The following GABRB1 variants were observed in gnomAD, a reference collection of about 807,000 sequenced individuals.
The protein encoded by GABRB1 is gamma-aminobutyric acid receptor subunit beta-1.
Under a neutral mutation model 51.6 loss-of-function variants are expected in GABRB1, and 17 were observed. That is an observed-to-expected ratio of 0.33 (90% CI 0.23 to 0.49). The LOEUF is 0.49. GABRB1 is among the 20% of genes least tolerant of loss of function. The pLI is 0.99. For missense variants in GABRB1, 410 were observed against 600.6 expected, an observed-to-expected ratio of 0.68 and a Z score of 3.32; for synonymous variants, 247 against 218.9, an observed-to-expected ratio of 1.13 and a Z score of -1.14.
intron 3 of GABRB1, among the ~76,000 whole-genome samples, chr4:47,080,658 C>T (rs1028665446): frequency 6.6e-6 from 1 of 152,120 alleles, no homozygotes; most frequent in East Asian, 1.9e-4. Flanking sequence ...CTCAAGGGAT[C>T]CTCATGCTTT....
chr4:47,408,640 A>T (rs558285426), intron 8 of GABRB1, among the ~76,000 whole-genome samples: 10 of 152,352 alleles, frequency 6.6e-5, no homozygotes, highest in African/African-American at 2.4e-4. Flanking sequence ...TTATACTCAT[A>T]TGAGGTGATT....
intron 3 of GABRB1, among the ~76,000 whole-genome samples, chr4:47,102,087 C>T (rs570254172): frequency 1.3e-5 from 2 of 152,122 alleles, no homozygotes; most frequent in South Asian, 2.1e-4. Flanking sequence ...AAGAGTCAAA[C>T]ACTTGGCAAG....
intron 3 of GABRB1, among the ~76,000 whole-genome samples, chr4:47,149,911 T>C (rs543787608): frequency 1.3e-5 from 2 of 151,972 alleles, no homozygotes; most frequent in Non-Finnish European, 2.9e-5. Flanking sequence ...CAACAGAAGT[T>C]AGAACAGATG....
intron 3 of GABRB1, among the ~76,000 whole-genome samples, chr4:47,132,509 T>C (rs1248200082): frequency 6.6e-6 from 1 of 152,196 alleles, no homozygotes; most frequent in African/African-American, 2.4e-5. Flanking sequence ...GTTTTTCCTT[T>C]TGTTTTTAGT....
At chr4:47,304,477 G>A (rs565939113) in intron 4 of GABRB1, among the ~76,000 whole-genome samples, 1 of 151,938 alleles carries the variant, frequency 6.6e-6, no homozygotes, top group South Asian at 2.1e-4. Context: ...TTTTAATTGG[G>A]TTACTTGTTT....
Position 47,148,531 on chromosome 4 carries a change from A to G in GABRB1, c.241-12718A>G, listed in dbSNP as rs148549995. Among the ~76,000 whole-genome samples, 311 of 152,200 alleles carry G rather than the reference A, an allele frequency of 2.0e-3. 1 individual carries two copies. The highest frequency in any genetic ancestry group is 7.1e-3 in the African/African-American group (294 of 41,562). On this transcript the variant is annotated intron_variant, in intron 3 of 8. Coordinates refer to ENST00000295454, the MANE Select transcript of GABRB1 (RefSeq NM_000812.4). Reference sequence around the variant, plus strand: ...TTCTAGCAAGGGAAATATAGTTGCTACTATAACTAATGATTAATGAGGTTT... The same window carrying G: ...TTCTAGCAAGGGAAATATAGTTGCTGCTATAACTAATGATTAATGAGGTTT...
At chr4:47,077,208 C>T (rs553333426) in intron 3 of GABRB1, among the ~76,000 whole-genome samples, 33 of 152,244 alleles carry the variant, frequency 2.2e-4, no homozygotes, top group African/African-American at 7.7e-4. Context: ...TATATGTTAC[C>T]ATGGGTATTA....
chr4:47,029,795 A>G (rs548265624), upstream of GABRB1, among the ~76,000 whole-genome samples: 9 of 152,154 alleles, frequency 5.9e-5, no homozygotes, highest in East Asian at 1.7e-3. Context: ...TGAGTAGCTC[A>G]TCTTTTCCTA....
chr4:47,170,188 CAATTTT>C (rs1266420712), intron 4 of GABRB1, among the ~76,000 whole-genome samples: 2 of 152,160 alleles, frequency 1.3e-5, no homozygotes, highest in East Asian at 3.9e-4. Context: ...TATTTCGAAT[CAATTTT>C]TTTATATTCT....
At chr4:47,360,942 C>T (rs1260052709) in intron 5 of GABRB1, among the ~76,000 whole-genome samples, 1 of 151,994 alleles carries the variant, frequency 6.6e-6, no homozygotes, top group Non-Finnish European at 1.5e-5. Flanking sequence ...ATTTATTTAC[C>T]TCTCACAACA....
chr4:47,263,214 A>ATAAG (rs1722518420), intron 4 of GABRB1, among the ~76,000 whole-genome samples: 1 of 151,726 alleles, frequency 6.6e-6, no homozygotes, highest in African/African-American at 2.4e-5. Flanking sequence ...AAATAAATAA[A>ATAAG]TAAATAAATA....
At chr4:47,354,611 CTG>C (rs1705680151) in intron 5 of GABRB1, among the ~76,000 whole-genome samples, 1 of 152,048 alleles carries the variant, frequency 6.6e-6, no homozygotes, top group African/African-American at 2.4e-5. Flanking sequence ...ATTGCAGTCT[CTG>C]TGTCCTGAAT....
intron 3 of GABRB1, among the ~76,000 whole-genome samples, chr4:47,094,048 G>A (rs1714270030): frequency 6.6e-6 from 1 of 151,016 alleles, no homozygotes; most frequent in Non-Finnish European, 1.5e-5. Flanking sequence ...GCAAGAGGAT[G>A]GCAAGGAGGG....
intron 3 of GABRB1, among the ~76,000 whole-genome samples, chr4:47,068,457 CTT>C (rs1316464267): frequency 6.6e-6 from 1 of 152,162 alleles, no homozygotes; most frequent in Non-Finnish European, 1.5e-5. Context: ...TCATTTCTAA[CTT>C]TTGATTGAAA....
At chr4:47,197,065 G>A (rs1314143689) in intron 4 of GABRB1, among the ~76,000 whole-genome samples, 1 of 152,190 alleles carries the variant, frequency 6.6e-6, no homozygotes. Context: ...TTAGAGCCAG[G>A]CCCATGGCCT....
chr4:47,393,258 T>G (rs1728068715), intron 5 of GABRB1, among the ~76,000 whole-genome samples: 1 of 152,250 alleles, frequency 6.6e-6, no homozygotes, highest in Non-Finnish European at 1.5e-5. Flanking sequence ...GCCTGGAATC[T>G]ACTACTTCAG....
chr4:47,324,108 A>T (rs1367936138), intron 5 of GABRB1, among the ~76,000 whole-genome samples: 1 of 152,164 alleles, frequency 6.6e-6, no homozygotes, highest in Non-Finnish European at 1.5e-5. Context: ...TTTACAGTAG[A>T]TGTTGTCACC....
chr4:47,026,755 A>G (rs762624411), upstream of GABRB1, among the ~76,000 whole-genome samples: 1 of 152,040 alleles, frequency 6.6e-6, no homozygotes. Context: ...CACTAATAAC[A>G]TATGTTAAAC....
chr4:47,395,864 T>G (rs1728163166), intron 5 of GABRB1, among the ~76,000 whole-genome samples: 1 of 151,942 alleles, frequency 6.6e-6, no homozygotes, highest in Non-Finnish European at 1.5e-5. Context: ...TTTCCCAGAT[T>G]TTTCCCTCAT....
Sources: allele counts gnomAD v4.1 joint callset (sites outside exome capture counted in the v4.1 genomes callset), GRCh38; gene constraint gnomAD v4.1.1; transcripts MANE v1.5; gene names NCBI Gene and HGNC (gene_info 2026-07-23, HGNC 2026-07-21).